The following ADAMTSL1 variants were observed in gnomAD, a reference collection of about 807,000 sequenced individuals.
ADAMTSL1 encodes ADAMTS-like protein 1.
In ADAMTSL1, 126 loss-of-function variants were observed where a neutral mutation model predicts 201.8. That is an observed-to-expected ratio of 0.62 (90% CI 0.54 to 0.72). ADAMTSL1 has a LOEUF of 0.72. Among genes scored for constraint, ADAMTSL1 ranks in the 30% least tolerant of loss-of-function variants. The pLI is 0.00. For synonymous variants in ADAMTSL1, 1,121 were observed against 903.4 expected (o/e 1.24, Z -4.32); for missense variants, 2,679 against 2,277.8 (o/e 1.18, Z -3.59).
chr9:18,471,378 C>T (rs1196118396), upstream of ADAMTSL1, among the ~76,000 whole-genome samples: 1 of 152,140 alleles, frequency 6.6e-6, no homozygotes, highest in Non-Finnish European at 1.5e-5. Context: ...TTAGTCAAGT[C>T]ACTTAACTTC....
Position 18,721,564 on chromosome 9 carries a change from G to A in ADAMTSL1, c.1905G>A (p.Leu635=). The change falls in exon 15 of 29, where the codon TTG becomes TTA. Residue 635 remains leucine (L), a synonymous_variant. Transcript: ENST00000380548. ...GGVQEAVVSC[L]NKQTREPAEE... ...TCCAGGAGGCTGTGGTGAGCTGCTT[G>A]AACAAACAGACTCGGGAGCCTGCTG... 6.2e-7 allele frequency: 1 copy of A among 1,613,936 alleles called. No homozygotes were observed. The highest frequency in any genetic ancestry group is 8.5e-7 in the Non-Finnish European group (1 of 1,179,868).
intron 1 of ADAMTSL1, among the ~76,000 whole-genome samples, chr9:17,999,616 T>A (rs569289888): frequency 4.6e-5 from 7 of 151,528 alleles, no homozygotes; most frequent in South Asian, 2.1e-4. Flanking sequence ...TTTTTTTTTT[T>A]ATTATACTTT....
At chr9:18,771,410 C>G (rs1037367083) in intron 17 of ADAMTSL1, among the ~76,000 whole-genome samples, 1 of 152,222 alleles carries the variant, frequency 6.6e-6, no homozygotes, top group Admixed American at 6.5e-5. Context: ...ATACCTCTGA[C>G]TAACCTATCT....
chr9:18,172,558 T>G (rs1346288086), intron 2 of ADAMTSL1, among the ~76,000 whole-genome samples: 1 of 152,118 alleles, frequency 6.6e-6, no homozygotes, highest in East Asian at 1.9e-4. Flanking sequence ...ATAACCACTT[T>G]AAAGAGCAAC....
intron 13 of ADAMTSL1, among the ~76,000 whole-genome samples, chr9:18,688,704 A>ATATATATATATATATATATATATATATC (rs138160150): frequency 6.9e-5 from 5 of 72,474 alleles, no homozygotes; most frequent in Admixed American, 2.0e-4. Flanking sequence ...ATATATATAT[A>ATATATATATATATATATATATATATATC]TATATGACTG....
At chr9:18,618,773 C>G (rs544479914) in intron 4 of ADAMTSL1, among the ~76,000 whole-genome samples, 1 of 152,268 alleles carries the variant, frequency 6.6e-6, no homozygotes, top group East Asian at 1.9e-4. Flanking sequence ...AAGTCAGCTT[C>G]TTTTAAGTAG....
intron 1 of ADAMTSL1, among the ~76,000 whole-genome samples, chr9:18,099,078 G>A (rs1048106828): frequency 6.7e-6 from 1 of 148,808 alleles, no homozygotes; most frequent in Non-Finnish European, 1.5e-5. Flanking sequence ...TCCATTCCAT[G>A]ACTTTTTTGC....
intron 1 of ADAMTSL1, among the ~76,000 whole-genome samples, chr9:17,939,053 T>C (rs1033970513): frequency 4.6e-5 from 7 of 152,146 alleles, no homozygotes; most frequent in African/African-American, 1.7e-4. Context: ...TTCTCTCAAA[T>C]ATCCATTGGT....
intron 2 of ADAMTSL1, among the ~76,000 whole-genome samples, chr9:18,226,845 A>G (rs1830449368): frequency 6.6e-6 from 1 of 152,142 alleles, no homozygotes; most frequent in Non-Finnish European, 1.5e-5. Flanking sequence ...AATAATAGTA[A>G]TGAATAATAA....
intron 14 of ADAMTSL1, chr9:18,717,984 G>T (rs1833061578): frequency 3.8e-6 from 6 of 1,585,096 alleles, no homozygotes; most frequent in Non-Finnish European, 5.2e-6. Flanking sequence ...TAAAGCAGCT[G>T]ACATGATGAC....
intron 2 of ADAMTSL1, among the ~76,000 whole-genome samples, chr9:18,208,955 G>A (rs1175798078): frequency 1.3e-5 from 2 of 150,096 alleles, no homozygotes; most frequent in Non-Finnish European, 3.0e-5. Context: ...CTACAAAATG[G>A]GGAAAACAAT....
At chr9:18,030,386 G>A (rs966467303) in intron 1 of ADAMTSL1, among the ~76,000 whole-genome samples, 2 of 151,936 alleles carry the variant, frequency 1.3e-5, no homozygotes, top group African/African-American at 4.8e-5. Flanking sequence ...ATCACACACC[G>A]GGGACTGTTG....
At chr9:18,520,440 T>G (rs1818623969) in intron 2 of ADAMTSL1, among the ~76,000 whole-genome samples, 1 of 152,232 alleles carries the variant, frequency 6.6e-6, no homozygotes, top group Admixed American at 6.5e-5. Context: ...GCAGAAGTGT[T>G]GAATTACAAA....
At chr9:17,961,019 A>G (rs1338154871) in intron 1 of ADAMTSL1, among the ~76,000 whole-genome samples, 1 of 152,196 alleles carries the variant, frequency 6.6e-6, no homozygotes, top group Non-Finnish European at 1.5e-5. Flanking sequence ...TTTTGAAAGT[A>G]TACCATACGT....
chr9:18,540,347 A>C (rs1820052770), intron 3 of ADAMTSL1, among the ~76,000 whole-genome samples: 1 of 152,230 alleles, frequency 6.6e-6, no homozygotes, highest in Admixed American at 6.5e-5. Flanking sequence ...AAAGGCCGAG[A>C]AGCGATAGTG....
At chr9:18,441,870 A>C (rs1820007847) in intron 2 of ADAMTSL1, among the ~76,000 whole-genome samples, 2 of 152,192 alleles carry the variant, frequency 1.3e-5, no homozygotes, top group African/African-American at 4.8e-5. Context: ...TTCAATTTTT[A>C]ACTAAGTTTT....
chr9:18,126,652 TA>T (rs1337427196), intron 1 of ADAMTSL1, among the ~76,000 whole-genome samples: 1 of 152,184 alleles, frequency 6.6e-6, no homozygotes, highest in Non-Finnish European at 1.5e-5. Flanking sequence ...ACTATTATTA[TA>T]ATACTTTGGA....
intron 1 of ADAMTSL1, among the ~76,000 whole-genome samples, chr9:18,085,761 G>T (rs762563355): frequency 4.0e-5 from 6 of 150,124 alleles, no homozygotes; most frequent in Non-Finnish European, 7.4e-5. Context: ...ACATATATAT[G>T]TGTGTGTGTA....
chr9:18,448,224 G>A (rs1820272302), intron 2 of ADAMTSL1, among the ~76,000 whole-genome samples: 1 of 152,114 alleles, frequency 6.6e-6, no homozygotes, highest in Non-Finnish European at 1.5e-5. Flanking sequence ...GAATGTTAAG[G>A]AGGAGGCTTG....
Sources: gnomAD v4.1 joint callset for allele counts (sites outside exome capture counted in the v4.1 genomes callset) on GRCh38, gnomAD v4.1.1 for gene constraint, MANE v1.5 for transcripts, NCBI Gene and HGNC (gene_info 2026-07-23, HGNC 2026-07-21) for gene names.